The following C14orf39 variants were observed in gnomAD, a reference collection of about 807,000 sequenced individuals.
C14orf39 encodes the protein chromosome 14 open reading frame 39.
A neutral mutation model predicts 85.6 loss-of-function variants in C14orf39; 66 were observed. The ratio of observed to expected loss-of-function variants is 0.77; its 90% CI spans 0.63 to 0.95. The LOEUF is 0.95. C14orf39 is among the 40% of genes least tolerant of loss of function. The pLI is 0.00. For synonymous variants in C14orf39, 242 were observed against 214.0 expected, an observed-to-expected ratio of 1.13 and a Z score of -1.14; for missense variants, 735 against 663.9, an observed-to-expected ratio of 1.11 and a Z score of -1.18.
At chr14:60,471,184 C>T (rs1171832208) in intron 7 of C14orf39, among the ~76,000 whole-genome samples, 1 of 151,898 alleles carries the variant, frequency 6.6e-6, no homozygotes, top group Non-Finnish European at 1.5e-5. Context: ...CTAAGACACG[C>T]CACTTAAACC....
rs569478600 is a variant in C14orf39, at chr14:60,447,042, A to C, written c.1504-4911T>G. ...TCTCAATAAACTAGGTATTGATGGA[A>C]CGTATCTCAAAATAATAAGAGCTAT... On this transcript the variant is annotated intron_variant, in intron 16 of 17. Transcript: ENST00000321731. 1.1e-4 allele frequency among the ~76,000 whole-genome samples: 17 copies of C among 152,350 alleles called. No homozygotes were observed. In the East Asian group the frequency reaches 3.3e-3, roughly 29 times the overall value.
chr14:60,450,239 G>A (rs1890970380), intron 16 of C14orf39, among the ~76,000 whole-genome samples: 2 of 152,168 alleles, frequency 1.3e-5, no homozygotes, highest in Admixed American at 1.3e-4. Context: ...CTGAGTTCAG[G>A]CCTAGGCTCT....
At chr14:60,456,582 T>G (rs541360614) in intron 15 of C14orf39, among the ~76,000 whole-genome samples, 1 of 152,110 alleles carries the variant, frequency 6.6e-6, no homozygotes, top group South Asian at 2.1e-4. Context: ...ATTTTCTTTA[T>G]CCTTTGGAAA....
At chr14:60,458,317 G>A (rs2140079732) in intron 14 of C14orf39, among the ~76,000 whole-genome samples, 1 of 151,888 alleles carries the variant, frequency 6.6e-6, no homozygotes, top group South Asian at 2.1e-4. Context: ...AATCTATCCT[G>A]TATCATCTTG....
chr14:60,513,937 T>G (rs1893328062), intron 1 of C14orf39, among the ~76,000 whole-genome samples: 1 of 152,234 alleles, frequency 6.6e-6, no homozygotes, highest in South Asian at 2.1e-4. Flanking sequence ...CTGCCTACAT[T>G]TTAAAGTAGC....
At position 60,510,987 on chromosome 14, in the gene C14orf39, T is replaced by C. The variant is rs1893282388; in HGVS notation, c.-144+4408A>G. 5 of 1,320,892 alleles carry C rather than the reference T, an allele frequency of 3.8e-6. No homozygotes were observed. In the South Asian group the frequency reaches 5.1e-5, roughly 14 times the overall value. 81.8% of individuals were successfully genotyped at this position (1,320,892 alleles called of 1,614,324 possible). A position where few individuals can be genotyped will look rare whatever the true frequency, so the allele number is the denominator to read the frequency against. On this transcript the variant is annotated intron_variant, in intron 1 of 5. Coordinates refer to the C14orf39 transcript ENST00000556799. ...AACTGCTGGGGTCTTCGGAAGAACC[T>C]CTAGCCGCCGGGCTGGAGGGACGCA... is the stretch of plus-strand genomic sequence containing the variant.
intron 16 of C14orf39, among the ~76,000 whole-genome samples, chr14:60,447,985 G>A (rs922255194): frequency 1.3e-5 from 2 of 152,202 alleles, no homozygotes; most frequent in Non-Finnish European, 2.9e-5. Flanking sequence ...AAACTGGCTA[G>A]CCATATGTAG....
intron 5 of C14orf39, among the ~76,000 whole-genome samples, chr14:60,474,948 A>G (rs549452260): frequency 6.6e-6 from 1 of 152,164 alleles, no homozygotes; most frequent in African/African-American, 2.4e-5. Flanking sequence ...CTCTTTTTCT[A>G]TTGATTGGAA....
chr14:60,457,624 A>T (rs1468730603), intron 14 of C14orf39, among the ~76,000 whole-genome samples: 1 of 152,018 alleles, frequency 6.6e-6, no homozygotes, highest in African/African-American at 2.4e-5. Context: ...TGATTTCTCA[A>T]ATATGCTTGT....
chr14:60,452,618 T>C (rs1443830316), intron 16 of C14orf39, among the ~76,000 whole-genome samples: 2 of 152,084 alleles, frequency 1.3e-5, no homozygotes, highest in Non-Finnish European at 2.9e-5. Flanking sequence ...CAAAATAATT[T>C]AATTGTACAC....
At chr14:60,483,659 T>A in intron 4 of C14orf39, 32 bp downstream of exon 4, 1 of 1,556,608 alleles carries the variant, frequency 6.4e-7, no homozygotes, top group Non-Finnish European at 8.7e-7. Flanking sequence ...AATAAAAGAA[T>A]GCAATGAAAA....
chr14:60,437,364 G>A (rs1890303654), intron 17 of C14orf39, among the ~76,000 whole-genome samples: 1 of 151,980 alleles, frequency 6.6e-6, no homozygotes, highest in Non-Finnish European at 1.5e-5. Flanking sequence ...AAACAGACAT[G>A]CATAGGATGC....
intron 1 of C14orf39, among the ~76,000 whole-genome samples, chr14:60,503,801 AAC>A (rs1364874371): frequency 6.6e-6 from 1 of 152,236 alleles, no homozygotes; most frequent in African/African-American, 2.4e-5. Flanking sequence ...AGCTCTTAGG[AAC>A]AGATTTTATT....
intron 1 of C14orf39, among the ~76,000 whole-genome samples, chr14:60,507,243 C>T (rs1893215845): frequency 6.6e-6 from 1 of 152,146 alleles, no homozygotes; most frequent in Non-Finnish European, 1.5e-5. Context: ...CTCCCCTGGC[C>T]AGAAGCTCCG....
At chr14:60,443,469 G>A (rs1188196663) in intron 16 of C14orf39, among the ~76,000 whole-genome samples, 1 of 152,220 alleles carries the variant, frequency 6.6e-6, no homozygotes, top group Non-Finnish European at 1.5e-5. Flanking sequence ...CTGGCAGGGG[G>A]AGGGGTGTCT....
intron 5 of C14orf39, among the ~76,000 whole-genome samples, chr14:60,477,649 A>T (rs1892446123): frequency 6.6e-6 from 1 of 152,214 alleles, no homozygotes; most frequent in Non-Finnish European, 1.5e-5. Context: ...TTCAGAAATC[A>T]ATATCCCAAA....
intron 1 of C14orf39, chr14:60,508,982 C>A (rs963428189): frequency 1.6e-4 from 36 of 223,016 alleles, no homozygotes; most frequent in African/African-American, 6.9e-4. Context: ...CCTCCAGGTT[C>A]TGCAAAATAC....
chr14:60,462,821 G>A lies in C14orf39; in HGVS notation c.973-1228C>T, dbSNP rs541616203. ...TTTATTTATTAGCTCATCAGCTATCGTTAGTGTTAGTGTATTTTATGTGTG... is the reference window on the plus strand; with the variant it reads ...TTTATTTATTAGCTCATCAGCTATCATTAGTGTTAGTGTATTTTATGTGTG... On this transcript the variant is annotated intron_variant, in intron 11 of 17. Transcript: ENST00000321731. Among the ~76,000 whole-genome samples the A allele has an allele frequency of 2.6e-5, 4 of 151,968 alleles. No individual in the cohort carries two copies. In the East Asian group the frequency reaches 5.8e-4, roughly 22 times the overall value.
chr14:60,463,597 T>C (rs2140097047), intron 11 of C14orf39, among the ~76,000 whole-genome samples: 1 of 152,252 alleles, frequency 6.6e-6, no homozygotes, highest in East Asian at 1.9e-4. Context: ...TCATGGTATA[T>C]GAATTATACC....
Sources: allele counts gnomAD v4.1 joint callset (sites outside exome capture counted in the v4.1 genomes callset), GRCh38; gene constraint gnomAD v4.1.1; transcripts MANE v1.5; gene names NCBI Gene and HGNC (gene_info 2026-07-23, HGNC 2026-07-21).